The following ZFHX3 variants were observed in gnomAD, a reference collection of about 807,000 sequenced individuals.
The protein encoded by ZFHX3 is zinc finger homeobox 3.
A neutral mutation model predicts 279.1 loss-of-function variants in ZFHX3; 42 were observed. The observed-to-expected ratio is 0.15, with a 90% CI of 0.12 to 0.19. ZFHX3 has a LOEUF of 0.19. Ranked by LOEUF, ZFHX3 falls within the 10% of genes least tolerant of loss-of-function variation. ZFHX3 has a pLI of 1.00. For missense variants in ZFHX3, 4,981 were observed against 4,754.0 expected, an observed-to-expected ratio of 1.05 and a Z score of -1.40; for synonymous variants, 2,293 against 1,957.8, an observed-to-expected ratio of 1.17 and a Z score of -4.52.
intron 7 of ZFHX3, among the ~76,000 whole-genome samples, chr16:73,116,576 T>G (rs934202002): frequency 6.6e-6 from 1 of 152,150 alleles, no homozygotes; most frequent in Non-Finnish European, 1.5e-5. Flanking sequence ...ACCATGTACC[T>G]ATCAAAGCTT....
At chr16:72,926,024 G>A (rs763597517) in intron 3 of ZFHX3, among the ~76,000 whole-genome samples, 1 of 152,144 alleles carries the variant, frequency 6.6e-6, no homozygotes, top group Non-Finnish European at 1.5e-5. Flanking sequence ...CTATTTTCAC[G>A]TTACAAACAA....
chr16:73,314,066 T>C (rs1597279503), intron 4 of ZFHX3, among the ~76,000 whole-genome samples: 1 of 152,114 alleles, frequency 6.6e-6, no homozygotes. Context: ...ACCACTGCAC[T>C]CCAGCCTGGG....
At chr16:73,724,655 G>A (rs1411084543) in intron 1 of ZFHX3, among the ~76,000 whole-genome samples, 2 of 152,188 alleles carry the variant, frequency 1.3e-5, no homozygotes, top group Non-Finnish European at 2.9e-5. Context: ...TCTGTCTAGG[G>A]CACTGGAGAG....
chr16:73,085,212 T>C (rs1417016659), intron 8 of ZFHX3, among the ~76,000 whole-genome samples: 1 of 152,154 alleles, frequency 6.6e-6, no homozygotes, highest in South Asian at 2.1e-4. Context: ...TGGAACAGAA[T>C]AGAAAACCAG....
chr16:73,093,295 G>T, exon 8 of ZFHX3: 2 of 450,170 alleles, frequency 4.4e-6, no homozygotes, highest in Non-Finnish European at 8.8e-6. Flanking sequence ...ATCGTGTTTG[G>T]GTTGCAAAGG....
intron 5 of ZFHX3, among the ~76,000 whole-genome samples, chr16:73,146,766 T>C (rs1375306162): frequency 6.6e-6 from 1 of 152,096 alleles, no homozygotes; most frequent in Non-Finnish European, 1.5e-5. Flanking sequence ...AGCAATCCTC[T>C]CATCTCAGCC....
intron 3 of ZFHX3, among the ~76,000 whole-genome samples, chr16:73,436,408 A>G (rs765441183): frequency 1.3e-5 from 2 of 152,200 alleles, no homozygotes; most frequent in African/African-American, 4.8e-5. Context: ...CACGTCTTAC[A>G]TGGCAGCAGA....
At chr16:73,604,667 C>A (rs952922728) in intron 2 of ZFHX3, among the ~76,000 whole-genome samples, 4 of 151,784 alleles carry the variant, frequency 2.6e-5, no homozygotes, top group African/African-American at 9.7e-5. Context: ...ATGGCTTCAC[C>A]CCGGGAGGCG....
At chr16:73,160,740 T>C (rs957096123) in intron 5 of ZFHX3, among the ~76,000 whole-genome samples, 5 of 151,966 alleles carry the variant, frequency 3.3e-5, no homozygotes, top group Admixed American at 1.3e-4. Context: ...TGTCACGGCA[T>C]GCTTATCATG....
intron 5 of ZFHX3, among the ~76,000 whole-genome samples, chr16:73,160,979 T>A (rs1217439471): frequency 6.6e-6 from 1 of 152,014 alleles, no homozygotes; most frequent in African/African-American, 2.4e-5. Flanking sequence ...ATAGCTAAGG[T>A]GACACAAGGC....
intron 1 of ZFHX3, among the ~76,000 whole-genome samples, chr16:73,792,138 T>C (rs753242467): frequency 2.0e-5 from 3 of 152,248 alleles, no homozygotes; most frequent in Non-Finnish European, 4.4e-5. Context: ...CACAGATGAT[T>C]TAAAATAGAA....
chr16:73,454,984 G>A (rs1436068639), intron 3 of ZFHX3, among the ~76,000 whole-genome samples: 1 of 151,236 alleles, frequency 6.6e-6, no homozygotes, highest in Non-Finnish European at 1.5e-5. Flanking sequence ...TGAGAATGAA[G>A]ACCTTTTATG....
At chr16:73,542,908 G>T (rs2020044250) in intron 2 of ZFHX3, among the ~76,000 whole-genome samples, 2 of 152,158 alleles carry the variant, frequency 1.3e-5, no homozygotes, top group Non-Finnish European at 2.9e-5. Flanking sequence ...TCACTCTGTT[G>T]TGTAAATTTT....
chr16:73,781,453 T>G (rs984799506), intron 1 of ZFHX3, among the ~76,000 whole-genome samples: 4 of 152,074 alleles, frequency 2.6e-5, no homozygotes, highest in African/African-American at 9.7e-5. Context: ...CCACTGCTTG[T>G]ATTTGTAAGT....
intron 4 of ZFHX3, among the ~76,000 whole-genome samples, chr16:73,275,985 G>GGC (rs542733829): frequency 7.1e-6 from 1 of 141,286 alleles, no homozygotes; most frequent in African/African-American, 3.1e-5. Flanking sequence ...CAAGAGTGAT[G>GGC]GGGGGGGACA....
At chr16:73,420,953 G>A (rs780309892) in intron 3 of ZFHX3, 1 of 152,108 alleles carries the variant, frequency 6.6e-6, no homozygotes. Context: ...TTGGAATTTT[G>A]GTCATGCCCA....
chr16:73,444,832 A>T (rs1366034497), intron 3 of ZFHX3, among the ~76,000 whole-genome samples: 1 of 151,950 alleles, frequency 6.6e-6, no homozygotes, highest in Non-Finnish European at 1.5e-5. Flanking sequence ...AGAAAAATCT[A>T]TTCATGGCCG....
chr16:73,116,608 G>A (rs1302225866), intron 7 of ZFHX3, among the ~76,000 whole-genome samples: 1 of 152,128 alleles, frequency 6.6e-6, no homozygotes, highest in Non-Finnish European at 1.5e-5. Context: ...AAAAATTCAG[G>A]ATGTTGGAGT....
chr16:73,511,561 G>A (rs2019429241), intron 2 of ZFHX3, among the ~76,000 whole-genome samples: 1 of 152,170 alleles, frequency 6.6e-6, no homozygotes, highest in Non-Finnish European at 1.5e-5. Flanking sequence ...AATGACTTCT[G>A]TTAACTGTTT....
Sources: allele counts gnomAD v4.1 joint callset (sites outside exome capture counted in the v4.1 genomes callset), GRCh38; gene constraint gnomAD v4.1.1; transcripts MANE v1.5; gene names NCBI Gene and HGNC (gene_info 2026-07-23, HGNC 2026-07-21).